VRK2: variants seen among roughly 807,000 people sequenced by gnomAD.
VRK2 encodes serine/threonine-protein kinase VRK2.
Under a neutral mutation model 57.6 loss-of-function variants are expected in VRK2, and 60 were observed. That is an observed-to-expected ratio of 1.04 (90% CI 0.85 to 1.29). The LOEUF (loss-of-function observed/expected upper bound fraction) is 1.29, where lower values mean the gene tolerates loss of function less well. Ranked by LOEUF, VRK2 falls within the 50% of genes most tolerant of loss-of-function variation. The probability of loss-of-function intolerance (pLI) is 0.00; values close to 1 mark genes in which losing one functional copy is unlikely to be tolerated. For synonymous variants in VRK2, 231 were observed against 199.2 expected (o/e 1.16, Z -1.35); for missense variants, 705 against 588.1 (o/e 1.20, Z -2.06).
At chr2:57,946,305 G>A (rs1466421768) in intron 1 of VRK2, among the ~76,000 whole-genome samples, 2 of 151,680 alleles carry the variant, frequency 1.3e-5, no homozygotes, top group Non-Finnish European at 1.5e-5. Flanking sequence ...AACAACTCAG[G>A]ACAACTGTCT....
chr2:57,920,219 A>G (rs978657955), intron 1 of VRK2, among the ~76,000 whole-genome samples: 6 of 152,044 alleles, frequency 3.9e-5, no homozygotes, highest in Non-Finnish European at 8.8e-5. Context: ...CAGTGCATAC[A>G]CTCTTCCCAT....
chr2:57,978,153 G>A (rs1672307462), intron 1 of VRK2, among the ~76,000 whole-genome samples: 1 of 150,846 alleles, frequency 6.6e-6, no homozygotes, highest in African/African-American at 2.5e-5. Flanking sequence ...CTTAATGGGT[G>A]AAAAAATAAT....
chr2:57,991,950 C>T (rs1205725739), intron 1 of VRK2, among the ~76,000 whole-genome samples: 1 of 144,444 alleles, frequency 6.9e-6, no homozygotes, highest in East Asian at 2.0e-4. Flanking sequence ...GCATGAGACT[C>T]CAACTCAAAA....
chr2:58,131,990 A>C (rs1434848348), intron 9 of VRK2, 62 bp downstream of exon 9: 1 of 1,592,852 alleles, frequency 6.3e-7, no homozygotes, highest in South Asian at 1.1e-5. Context: ...CATTAAAGGG[A>C]GCTAACAACA....
At chr2:58,141,746 G>C (rs889035528) in intron 11 of VRK2, among the ~76,000 whole-genome samples, 1 of 151,954 alleles carries the variant, frequency 6.6e-6, no homozygotes, top group African/African-American at 2.4e-5. Flanking sequence ...AGATTTTGCA[G>C]TGCTACAAAA....
Position 57,957,967 on chromosome 2 carries a change from T to C in VRK2, c.-439+50128T>C, listed in dbSNP as rs151288066. Among the ~76,000 whole-genome samples the C allele has an allele frequency of 1.7e-3, 260 of 152,262 alleles. 1 individual carries two copies. Among genetic ancestry groups the C allele is most frequent in the African/African-American group, 5.7e-3 (236 of 41,558 alleles). ...TTGAGGCTGTGCAGTTATTCTCTCA[T>C]ATAGCGAAGTTGAGGCAATGCAAAT... On this transcript the variant is annotated intron_variant, in intron 1 of 15. Transcript: ENST00000417641.
intron 1 of VRK2, among the ~76,000 whole-genome samples, chr2:57,997,139 A>T (rs2104100067): frequency 6.6e-6 from 1 of 152,228 alleles, no homozygotes; most frequent in African/African-American, 2.4e-5. Context: ...GGAAAGAAAA[A>T]ATAGATAATC....
intron 1 of VRK2, among the ~76,000 whole-genome samples, chr2:57,922,753 CAATTAT>C (rs1219836187): frequency 7.4e-6 from 1 of 135,474 alleles, no homozygotes. Flanking sequence ...ACAAACAATC[CAATTAT>C]ACTTATAGTT....
rs370260929 is a variant in VRK2, at chr2:57,929,032, C to G, written c.-439+21193C>G. ...AAGCCACCATGGTCTGTGTCTTGCC[C>G]AAGGCCCACAATAACCACTGCCTGG... On this transcript the variant is annotated intron_variant, in intron 1 of 15. Coordinates refer to the VRK2 transcript ENST00000417641. 3.9e-5 allele frequency among the ~76,000 whole-genome samples: 6 copies of G among 152,290 alleles called. No homozygotes were observed. The East Asian group carries it at 9.7e-4, about 25-fold the overall frequency.
At chr2:57,937,007 T>C (rs1376387883) in intron 1 of VRK2, among the ~76,000 whole-genome samples, 2 of 152,224 alleles carry the variant, frequency 1.3e-5, no homozygotes, top group Non-Finnish European at 2.9e-5. Flanking sequence ...ATTCCCAGAT[T>C]CTAGTTCTTT....
chr2:58,001,200 C>T (rs1245685378), intron 1 of VRK2, among the ~76,000 whole-genome samples: 1 of 152,154 alleles, frequency 6.6e-6, no homozygotes, highest in East Asian at 1.9e-4. Context: ...TTTTTTCATA[C>T]ATTTATGCCT....
At chr2:58,070,732 T>G (rs1490356182) in intron 2 of VRK2, among the ~76,000 whole-genome samples, 1 of 152,180 alleles carries the variant, frequency 6.6e-6, no homozygotes, top group African/African-American at 2.4e-5. Context: ...TGGGGGTGGA[T>G]TCCAGTTTTT....
At chr2:58,138,372 C>A (rs929419640) in intron 10 of VRK2, among the ~76,000 whole-genome samples, 1 of 151,958 alleles carries the variant, frequency 6.6e-6, no homozygotes, top group Non-Finnish European at 1.5e-5. Context: ...TGCTAGATAA[C>A]AGAATTTGAT....
Position 58,146,486 on chromosome 2 carries a change from G to GT in VRK2, c.1182+15dup. On this transcript the variant is annotated intron_variant, in intron 12 of 12. Transcript: ENST00000340157. ...ATGAAGCAGCTCAGGTGAGAGGGTT[G>GT]TTTGTGTGTGTTTTTTCTAACTTAA... is the stretch of plus-strand genomic sequence containing the variant. 6.3e-7 allele frequency: 1 copy of GT among 1,598,186 alleles called. No individual in the cohort carries two copies. The highest frequency in any genetic ancestry group is 8.5e-7 in the Non-Finnish European group (1 of 1,172,908).
intron 12 of VRK2, chr2:58,147,016 T>C (rs1375592533): frequency 1.4e-5 from 5 of 354,848 alleles, no homozygotes; most frequent in Admixed American, 3.0e-5. Context: ...AGTGAAAAAA[T>C]ATTTAATTTT....
At chr2:58,103,611 TAAC>T (rs896520900) in intron 7 of VRK2, among the ~76,000 whole-genome samples, 1 of 151,424 alleles carries the variant, frequency 6.6e-6, no homozygotes, top group African/African-American at 2.4e-5. Context: ...AGAAAAATCT[TAAC>T]AAACAAAAAA....
Position 58,159,614 on chromosome 2 carries a change from CA to C in VRK2, c.1451del (p.Asn484ThrfsTer15). 6.2e-7 allele frequency: 1 copy of C among 1,613,828 alleles called. No individual in the cohort carries two copies. The highest frequency in any genetic ancestry group is 8.5e-7 in the Non-Finnish European group (1 of 1,179,820). ...TISQFTLSEETNADVYYYRII... is the reference protein window; with the variant it reads ...TISQFTLSEEXNADVYYYRII... ...TCCCAGTTTACTCTTAGTGAAGAGA[CA>C]AACGCAGATGTTTATTATTATCGCA... On this transcript the variant is annotated frameshift_variant, in exon 13 of 13. Coordinates refer to ENST00000340157, the MANE Select transcript of VRK2 (RefSeq NM_006296.7). LOFTEE classifies it high-confidence loss of function.
At chr2:58,102,724 C>T (rs1674172379) in intron 7 of VRK2, among the ~76,000 whole-genome samples, 1 of 151,416 alleles carries the variant, frequency 6.6e-6, no homozygotes, top group Non-Finnish European at 1.5e-5. Context: ...GGAAACTAGA[C>T]TTAATTGAAC....
chr2:58,077,323 C>G (rs550964323), intron 2 of VRK2, among the ~76,000 whole-genome samples: 1 of 152,000 alleles, frequency 6.6e-6, no homozygotes, highest in Non-Finnish European at 1.5e-5. Flanking sequence ...CACAAGTCCT[C>G]GGATTCTTAA....
Sources: allele counts gnomAD v4.1 joint callset (sites outside exome capture counted in the v4.1 genomes callset), GRCh38; gene constraint gnomAD v4.1.1; transcripts MANE v1.5; gene names NCBI Gene and HGNC (gene_info 2026-07-23, HGNC 2026-07-21).